Variants in CEP350 observed in about 807,000 individuals in gnomAD.
CEP350 encodes the protein centrosome-associated protein 350.
A neutral mutation model predicts 331.8 loss-of-function variants in CEP350; 126 were observed. The observed-to-expected ratio is 0.38, with a 90% CI of 0.33 to 0.44. The LOEUF is 0.44. CEP350 is among the 20% of genes least tolerant of loss of function. CEP350 has a pLI of 1.00. For synonymous variants in CEP350, 1,200 were observed against 1,259.5 expected (o/e 0.95, Z 1.00); for missense variants, 3,406 against 3,634.6 (o/e 0.94, Z 1.62).
intron 1 of CEP350, among the ~76,000 whole-genome samples, chr1:179,967,867 T>C (rs1651134019): frequency 6.6e-6 from 1 of 152,240 alleles, no homozygotes; most frequent in Admixed American, 6.5e-5. Flanking sequence ...TATTTTCTGC[T>C]TAGGAATGTC....
chr1:179,966,483 G>A (rs944624257), intron 1 of CEP350, among the ~76,000 whole-genome samples: 2 of 152,014 alleles, frequency 1.3e-5, no homozygotes, highest in African/African-American at 4.8e-5. Flanking sequence ...CAGAAATTAA[G>A]GATCCCATTT....
chr1:180,078,372 A>G, intron 28 of CEP350, 91 bp from the exon 29 acceptor site: 2 of 902,642 alleles, frequency 2.2e-6, no homozygotes, highest in Non-Finnish European at 3.4e-6. Context: ...TGCAGTAAGT[A>G]ATAATATGCT....
At chr1:180,096,372 G>A (rs997509593) in intron 36 of CEP350, among the ~76,000 whole-genome samples, 188 bp downstream of exon 36, 1 of 148,096 alleles carries the variant, frequency 6.8e-6, no homozygotes, top group African/African-American at 2.5e-5. Context: ...GGATTGGAAT[G>A]AGTGAAAGGG....
intron 24 of CEP350, 142 bp from the exon 25 acceptor site, chr1:180,054,273 A>G (rs2148973121): frequency 1.4e-6 from 1 of 706,458 alleles, no homozygotes; most frequent in Middle Eastern, 3.0e-4. Flanking sequence ...ATTAATGGTT[A>G]CGGCTACATG....
At chr1:179,955,218 C>A in intron 1 of CEP350, 76 bp downstream of exon 1, 1 of 1,178,514 alleles carries the variant, frequency 8.5e-7, no homozygotes, top group Non-Finnish European at 1.1e-6. Flanking sequence ...GGTCCCGGGT[C>A]CCCGGTGGCG....
intron 8 of CEP350, among the ~76,000 whole-genome samples, chr1:180,010,522 A>G (rs1361828324): frequency 6.6e-6 from 1 of 151,754 alleles, no homozygotes; most frequent in Non-Finnish European, 1.5e-5. Flanking sequence ...AAAATGTTAC[A>G]ATAATTTAAT....
intron 1 of CEP350, among the ~76,000 whole-genome samples, chr1:179,961,200 C>T (rs1650584413): frequency 6.6e-6 from 1 of 152,168 alleles, no homozygotes; most frequent in African/African-American, 2.4e-5. Context: ...AATGCCAGCA[C>T]TTTGGAAGGC....
chr1:179,971,801 TTGG>T (rs1470290657), intron 1 of CEP350, among the ~76,000 whole-genome samples: 5 of 152,190 alleles, frequency 3.3e-5, no homozygotes, highest in Non-Finnish European at 5.9e-5. Flanking sequence ...CATGTGGCCT[TTGG>T]AAAACTCCAT....
At position 180,098,992 on chromosome 1, in the gene CEP350, G is replaced by A; in HGVS notation, c.9189+7G>A. ...CCGAGTGGATCATATCCTGGTCAGT[G>A]TATACAACCAAACTGTTTTTATTTT... On this transcript the variant is annotated splice_region_variant and intron_variant, in intron 37 of 37. Coordinates refer to ENST00000367607, the MANE Select transcript of CEP350 (RefSeq NM_014810.5). The A allele has an allele frequency of 6.2e-7, 1 of 1,605,700 alleles. No homozygotes were observed. The highest frequency in any genetic ancestry group is 8.5e-7 in the Non-Finnish European group (1 of 1,177,128).
At position 180,000,290 on chromosome 1, in the gene CEP350, T is replaced by C. The variant is rs189504683; in HGVS notation, c.1019-2884T>C. 13 of 150,998 alleles carry C rather than the reference T, an allele frequency of 8.6e-5. No individual in the cohort carries two copies. The East Asian group carries it at 2.5e-3, about 29-fold the overall frequency. The allele number at this position is 150,998 out of a possible 1,614,324, so 9.4% of individuals were successfully genotyped here. ...GTTGAGCGGTGGGATTAGGTGATGG[T>C]GAAAAGTTGAGAAAGACAGAAATAC... On this transcript the variant is annotated intron_variant, in intron 6 of 37. Transcript: ENST00000367607.
intron 11 of CEP350, among the ~76,000 whole-genome samples, chr1:180,017,707 C>T (rs931321190): frequency 6.6e-6 from 1 of 152,134 alleles, no homozygotes; most frequent in Non-Finnish European, 1.5e-5. Context: ...ATAGTTTTAG[C>T]ATAACTTTAT....
At chr1:180,067,760 T>A (rs1326181883) in intron 27 of CEP350, among the ~76,000 whole-genome samples, 1 of 152,224 alleles carries the variant, frequency 6.6e-6, no homozygotes, top group Non-Finnish European at 1.5e-5. Context: ...AGGAAGAATA[T>A]TGTTATATAC....
chr1:180,033,245 T>A (rs1656135006), intron 15 of CEP350, among the ~76,000 whole-genome samples: 1 of 152,154 alleles, frequency 6.6e-6, no homozygotes, highest in Non-Finnish European at 1.5e-5. Flanking sequence ...TGTATTGAAT[T>A]AAATGCCTTA....
intron 36 of CEP350, among the ~76,000 whole-genome samples, chr1:180,096,477 ATACC>A (rs891918209): frequency 2.0e-5 from 3 of 152,186 alleles, no homozygotes; most frequent in Non-Finnish European, 4.4e-5. Flanking sequence ...AAATTAGGAA[ATACC>A]TAGGGAGATA....
In CEP350 at chr1:180,078,593, A is replaced by G. The variant is rs775989954; in HGVS notation, c.5898A>G (p.Pro1966=). ...CCGAGTCTATAGGACAGGAGCAGCCAGGGAGTCCAGATCACAGTATACTTA... is the reference window on the plus strand; with the variant it reads ...CCGAGTCTATAGGACAGGAGCAGCCGGGGAGTCCAGATCACAGTATACTTA... The part of the protein sequence containing the change: ...VPSESIGQEQ[P]GSPDHSILTE... Residue 1966 remains proline, a synonymous_variant, in exon 29 of 38, where the codon CCA becomes CCG. Coordinates refer to ENST00000367607, the MANE Select transcript of CEP350 (RefSeq NM_014810.5). 4.7e-5 allele frequency: 76 copies of G among 1,613,322 alleles called. No homozygotes were observed. The South Asian group carries it at 8.1e-4, about 17-fold the overall frequency.
At chr1:180,003,673 G>A (rs934741627) in intron 7 of CEP350, among the ~76,000 whole-genome samples, 5 of 152,064 alleles carry the variant, frequency 3.3e-5, no homozygotes, top group South Asian at 2.1e-4. Context: ...GATACCAAAA[G>A]AAAAATAAGT....
chr1:180,044,292 A>G, intron 21 of CEP350, 119 bp downstream of exon 21: 1 of 1,031,892 alleles, frequency 9.7e-7, no homozygotes, highest in South Asian at 2.7e-5. Flanking sequence ...TGTGCCCTTC[A>G]AAGTGCTGGC....
At position 179,992,122 on chromosome 1, in the gene CEP350, G is replaced by A. The variant is rs189019668; in HGVS notation, c.296G>A (p.Arg99Gln). 614 of 1,550,752 alleles carry A rather than the reference G, an allele frequency of 4.0e-4. No individual in the cohort carries two copies. The highest frequency in any genetic ancestry group is 5.1e-4 in the Non-Finnish European group (582 of 1,150,570). The change falls in exon 5 of 38, where the codon CGA (arginine) becomes CAA (glutamine). Residue 99 changes from arginine to glutamine, a missense_variant. Physicochemically the swap from Arg to Gln is conservative, Grantham distance 43. This residue lies in a region of CEP350 where 1,857 missense variants were observed against 1,909.2 expected (regional missense o/e 0.97). Transcript: ENST00000367607. ...CCAATCTCCAAATCCACTAAATCAC[G>A]AAAAGAGAAATCTCGTAGTCCTCTC... ...NAPISKSTKS[R>Q]KEKSRSPLRA...
chr1:180,048,709 ACTTT>A lies in CEP350; in HGVS notation c.4792+9_4792+12del. 6.2e-7 allele frequency: 1 copy of A among 1,602,630 alleles called. No homozygotes were observed. The highest frequency in any genetic ancestry group is 8.5e-7 in the Non-Finnish European group (1 of 1,173,634). On this transcript the variant is annotated splice_donor_5th_base_variant and intron_variant, in intron 22 of 37. Coordinates refer to ENST00000367607, the MANE Select transcript of CEP350 (RefSeq NM_014810.5). ...CCATCTCTTCCTGATGAAAAAGGTA[ACTTT>A]CTTTGCAAATAAATGTGTAATCATT...
Sources: gnomAD v4.1 joint callset for allele counts (sites outside exome capture counted in the v4.1 genomes callset) on GRCh38, gnomAD v4.1.1 for gene constraint, gnomAD v4.1.1 regional missense constraint, MANE v1.5 for transcripts, NCBI Gene and HGNC (gene_info 2026-07-23, HGNC 2026-07-21) for gene names.